The following GRM1 variants were observed in gnomAD, a reference collection of about 807,000 sequenced individuals.
The protein encoded by GRM1 is metabotropic glutamate receptor 1.
In GRM1, 33 loss-of-function variants were observed where a neutral mutation model predicts 90.9. The observed-to-expected ratio is 0.36, with a 90% confidence interval of 0.28 to 0.49. The LOEUF (loss-of-function observed/expected upper bound fraction) is 0.49, where lower values mean the gene tolerates loss of function less well. GRM1 is among the 20% of genes least tolerant of loss of function. GRM1 has a pLI of 0.99. For missense variants in GRM1, 1,190 were observed against 1,534.3 expected (o/e 0.78, Z 3.75); for synonymous variants, 700 against 613.2 (o/e 1.14, Z -2.09).
At chr6:146,156,618 T>C (rs957602925) in intron 1 of GRM1, among the ~76,000 whole-genome samples, 8 of 152,234 alleles carry the variant, frequency 5.3e-5, no homozygotes, top group Non-Finnish European at 1.0e-4. Flanking sequence ...ATGATGTTTC[T>C]GCTTAGCTCT....
At chr6:146,031,439 A>T (rs1341714684) in intron 1 of GRM1, among the ~76,000 whole-genome samples, 2 of 152,182 alleles carry the variant, frequency 1.3e-5, no homozygotes. Flanking sequence ...GATTATAGAA[A>T]TTGACAGCAT....
intron 1 of GRM1, among the ~76,000 whole-genome samples, chr6:146,059,640 G>A (rs889107540): frequency 6.6e-5 from 10 of 152,058 alleles, no homozygotes; most frequent in African/African-American, 1.9e-4. Context: ...AGCTTTAAAA[G>A]CCCAAAGCTT....
At chr6:146,071,008 C>G (rs1011588567) in intron 1 of GRM1, among the ~76,000 whole-genome samples, 1 of 152,090 alleles carries the variant, frequency 6.6e-6, no homozygotes, top group Admixed American at 6.6e-5. Context: ...GCCTATGGGG[C>G]TTGGGAATCA....
At chr6:146,331,468 C>CTA (rs1038777339) in intron 3 of GRM1, among the ~76,000 whole-genome samples, 14 of 152,156 alleles carry the variant, frequency 9.2e-5, no homozygotes, top group South Asian at 4.1e-4. Context: ...GACCATTTCA[C>CTA]TATATATATA....
At chr6:146,254,646 G>A (rs1301137355) in intron 2 of GRM1, among the ~76,000 whole-genome samples, 2 of 151,992 alleles carry the variant, frequency 1.3e-5, no homozygotes, top group African/African-American at 4.8e-5. Context: ...ATGTTGCTCT[G>A]TTTTGTTCTA....
At chr6:146,404,302 T>G (rs1444957359) in intron 7 of GRM1, among the ~76,000 whole-genome samples, 1 of 152,098 alleles carries the variant, frequency 6.6e-6, no homozygotes, top group African/African-American at 2.4e-5. Context: ...CTTAGGTACT[T>G]GATATGGTGC....
At chr6:146,340,267 A>G (rs1784922118) in intron 3 of GRM1, among the ~76,000 whole-genome samples, 1 of 152,130 alleles carries the variant, frequency 6.6e-6, no homozygotes, top group Non-Finnish European at 1.5e-5. Flanking sequence ...TTTCTTAACT[A>G]TTTCTGAGCA....
Position 146,399,199 on chromosome 6 carries a change from G to A in GRM1, c.2160G>A (p.Leu720=), listed in dbSNP as rs779219640. ...ASILISVQLT[L]VVTLIIMEPP... ...TTCTGATTAGTGTGCAACTAACCCT[G>A]GTGGTAACCCTGATCATCATGGAAC... The change falls in exon 7 of 8, where the codon CTG becomes CTA. Residue 720 remains leucine (L), a synonymous_variant. Transcript: ENST00000282753. This position sits in a 1 kb window ranked among gnomAD's most constrained non-coding sequence, Gnocchi z 5.4. The A allele has an allele frequency of 6.2e-7, 1 of 1,614,052 alleles. No homozygotes were observed.
At chr6:146,127,239 C>A (rs907272018) in intron 1 of GRM1, among the ~76,000 whole-genome samples, 8 of 152,110 alleles carry the variant, frequency 5.3e-5, no homozygotes, top group African/African-American at 1.9e-4. Context: ...GAGCCAGGGG[C>A]TACACTGAAC....
At chr6:146,240,465 C>T (rs923180830) in intron 2 of GRM1, among the ~76,000 whole-genome samples, 5 of 151,574 alleles carry the variant, frequency 3.3e-5, no homozygotes. Flanking sequence ...GAAATGGATT[C>T]CTGGCAGGAG....
intron 3 of GRM1, among the ~76,000 whole-genome samples, chr6:146,315,362 G>C (rs1200863443): frequency 2.0e-5 from 3 of 152,072 alleles, no homozygotes; most frequent in African/African-American, 7.2e-5. Flanking sequence ...ACTCCAGCCT[G>C]GGCAGCAGAA....
chr6:146,116,123 G>T lies in GRM1; in HGVS notation c.701-43225G>T, dbSNP rs537426710. Among the ~76,000 whole-genome samples the T allele has an allele frequency of 1.2e-4, 18 of 152,038 alleles. No homozygotes were observed. In the East Asian group the frequency reaches 3.5e-3, roughly 29 times the overall value. ...ATGCCGTGATGCTTGGCTAATTTTT[G>T]TATTTTTAATAATAGTAGAGACAGT... On this transcript the variant is annotated intron_variant, in intron 1 of 7. Coordinates refer to ENST00000282753, the MANE Select transcript of GRM1 (RefSeq NM_001278064.2).
At chr6:146,422,810 T>C (rs1160761063) in intron 7 of GRM1, among the ~76,000 whole-genome samples, 1 of 152,116 alleles carries the variant, frequency 6.6e-6, no homozygotes, top group Admixed American at 6.5e-5. Flanking sequence ...GGCTGTTATA[T>C]CAAGGAAGAC....
At chr6:146,159,916 TAAAA>T (rs566531460) in intron 2 of GRM1, 18 of 66,316 alleles carry the variant, frequency 2.7e-4, no homozygotes, top group South Asian at 8.8e-4. Context: ...ACCTTAACTA[TAAAA>T]AAAAAAAAAA....
At chr6:146,353,820 T>C (rs527806889) in intron 4 of GRM1, among the ~76,000 whole-genome samples, 27 of 152,260 alleles carry the variant, frequency 1.8e-4, no homozygotes, top group Middle Eastern at 3.4e-3. Flanking sequence ...TTAGTAGAGA[T>C]GGGGTTTCAC....
chr6:146,369,403 C>T (rs1775815918), intron 5 of GRM1, among the ~76,000 whole-genome samples: 1 of 151,594 alleles, frequency 6.6e-6, no homozygotes, highest in South Asian at 2.1e-4. Flanking sequence ...CTTTTAGGTG[C>T]ATTATGAGGT....
chr6:146,127,634 T>C (rs546668395), intron 1 of GRM1, among the ~76,000 whole-genome samples: 1 of 152,276 alleles, frequency 6.6e-6, no homozygotes, highest in Non-Finnish European at 1.5e-5. Context: ...CTTTCCATCT[T>C]CTAAATTGCT....
intron 1 of GRM1, among the ~76,000 whole-genome samples, chr6:146,150,903 A>C (rs1358052878): frequency 6.6e-6 from 1 of 150,724 alleles, no homozygotes. Flanking sequence ...TTGGCTGAAT[A>C]ATATTCCTGT....
chr6:146,274,176 C>G (rs757358911), intron 2 of GRM1, among the ~76,000 whole-genome samples: 2 of 151,866 alleles, frequency 1.3e-5, no homozygotes, highest in African/African-American at 4.9e-5. Flanking sequence ...ACAGGAATAT[C>G]AAGATTTCTT....
Sources: allele counts gnomAD v4.1 joint callset (sites outside exome capture counted in the v4.1 genomes callset), GRCh38; gene constraint gnomAD v4.1.1; non-coding constraint Gnocchi (gnomAD v3.1); transcripts MANE v1.5; gene names NCBI Gene and HGNC (gene_info 2026-07-23, HGNC 2026-07-21).